TMEM161A: variants seen among roughly 807,000 people sequenced by gnomAD.
TMEM161A encodes the protein adaptive response to oxidative stress protein 29.
A neutral mutation model predicts 57.1 loss-of-function variants in TMEM161A; 46 were observed. The observed-to-expected ratio is 0.81, with a 90% CI of 0.64 to 1.03. The LOEUF (loss-of-function observed/expected upper bound fraction) is 1.03, where lower values mean the gene tolerates loss of function less well. Ranked by LOEUF, TMEM161A falls within the 50% of genes least tolerant of loss-of-function variation. The probability of loss-of-function intolerance (pLI) is 0.00; values close to 1 mark genes in which losing one functional copy is unlikely to be tolerated. For missense variants in TMEM161A, 601 were observed against 621.5 expected (o/e 0.97, Z 0.35); for synonymous variants, 288 against 279.0 (o/e 1.03, Z -0.32).
Position 19,121,303 on chromosome 19 carries a change from C to T in TMEM161A, c.914+5G>A, listed in dbSNP as rs959539346. 1.3e-5 allele frequency: 20 copies of T among 1,558,656 alleles called. No individual in the cohort carries two copies. Among genetic ancestry groups the T allele is most frequent in the Non-Finnish European group, 1.7e-5 (20 of 1,151,048 alleles). ...AGCTACCTCCTAGCCCCACCCAATA[C>T]GCACAGGGAGAAACGCGTCTCCCCA... On this transcript the variant is annotated splice_donor_5th_base_variant and intron_variant, in intron 9 of 11. Coordinates refer to ENST00000162044, the MANE Select transcript of TMEM161A (RefSeq NM_017814.3). This position sits in a 1 kb window ranked among gnomAD's most constrained non-coding sequence, Gnocchi z 5.8.
chr19:19,125,384 C>T (rs1033297622), intron 6 of TMEM161A, among the ~76,000 whole-genome samples: 1 of 152,060 alleles, frequency 6.6e-6, no homozygotes, highest in Admixed American at 6.6e-5. Flanking sequence ...GAGTCTTGCT[C>T]TTGTCGCCCA....
At chr19:19,138,268 C>G (rs1264103928) in intron 1 of TMEM161A, among the ~76,000 whole-genome samples, 158 bp downstream of exon 1, 1 of 152,232 alleles carries the variant, frequency 6.6e-6, no homozygotes, top group Non-Finnish European at 1.5e-5. Context: ...GAGCAGGGCT[C>G]CCAGAGAGGG....
intron 1 of TMEM161A, among the ~76,000 whole-genome samples, chr19:19,137,209 A>G (rs1232250197): frequency 1.3e-5 from 2 of 152,110 alleles, no homozygotes; most frequent in Non-Finnish European, 2.9e-5. Flanking sequence ...CCCTGCAGGC[A>G]TAGCTAGAGA....
In TMEM161A at chr19:19,121,893, C is replaced by T; in HGVS notation, c.596-74G>A. 1.3e-6 allele frequency: 2 copies of T among 1,536,544 alleles called. No individual in the cohort carries two copies. The highest frequency in any genetic ancestry group is 1.8e-5 in the Admixed American group (1 of 55,948). ...TAAGGCCACTCTGTTCCCTAACCCC[C>T]CATCCCTCAGGCATCCGTTTGCTTC... On this transcript the variant is annotated intron_variant, in intron 6 of 11. Coordinates refer to ENST00000162044, the MANE Select transcript of TMEM161A (RefSeq NM_017814.3). The surrounding 1 kb of genome is among the most constrained non-coding windows in gnomAD (Gnocchi z 5.8).
rs769214375 is a variant in TMEM161A, at chr19:19,120,117, G to A, written c.1253C>T (p.Ala418Val). The change falls in exon 12 of 12, where the codon GCC becomes GTC. Residue 418 changes from alanine to valine, a missense_variant. Coordinates refer to ENST00000162044, the MANE Select transcript of TMEM161A (RefSeq NM_017814.3). ...LSPDPSSASAAPIGSGEDEVQ... is the reference protein window; with the variant it reads ...LSPDPSSASAVPIGSGEDEVQ... Reference sequence around the variant, plus strand: ...TTCGTCCTCCCCAGAGCCGATGGGGGCAGCGCTGGCTGAGGATGGGTCGGG... The same window carrying A: ...TTCGTCCTCCCCAGAGCCGATGGGGACAGCGCTGGCTGAGGATGGGTCGGG... 5.7e-6 allele frequency: 9 copies of A among 1,569,018 alleles called. No homozygotes were observed. The highest frequency in any genetic ancestry group is 7.8e-6 in the Non-Finnish European group (9 of 1,157,296).
intron 2 of TMEM161A, 54 bp downstream of exon 2, chr19:19,134,730 G>C (rs949387430): frequency 7.4e-7 from 1 of 1,343,152 alleles, no homozygotes; most frequent in Non-Finnish European, 1.0e-6. Flanking sequence ...GGCGTGGGGA[G>C]CCAGAAGGGG....
In TMEM161A at chr19:19,120,151, G is replaced by C. The variant is rs778135440; in HGVS notation, c.1219C>G (p.Leu407Val). 1.9e-6 allele frequency: 3 copies of C among 1,559,674 alleles called. No individual in the cohort carries two copies. Among genetic ancestry groups the C allele is most frequent in the Admixed American group, 1.9e-5 (1 of 51,630 alleles). ...GYSWGLGPAPLLSPDPSSASA... is the reference protein window; with the variant it reads ...GYSWGLGPAPVLSPDPSSASA... ...GCTGAGGATGGGTCGGGGGATAGTAGAGGAGCTGGGCCCAGGCCCCAGGAA... is the reference window on the plus strand; with the variant it reads ...GCTGAGGATGGGTCGGGGGATAGTACAGGAGCTGGGCCCAGGCCCCAGGAA... Residue 407 changes from leucine (L) to valine (V), a missense_variant, in exon 12 of 12, where the codon CTA becomes GTA. Physicochemically the swap from Leu to Val is conservative, Grantham distance 32. Transcript: ENST00000162044.
chr19:19,127,457 C>A (rs2059936184), intron 6 of TMEM161A, among the ~76,000 whole-genome samples: 1 of 151,560 alleles, frequency 6.6e-6, no homozygotes. Context: ...GTAGCTGGGA[C>A]TACAGGTACC....
intron 11 of TMEM161A, among the ~76,000 whole-genome samples, chr19:19,120,407 C>T (rs1306580716): frequency 6.6e-6 from 1 of 151,660 alleles, no homozygotes; most frequent in Non-Finnish European, 1.5e-5. Context: ...ACATGCCCTG[C>T]CCCCTCCCCA....
chr19:19,136,361 A>G (rs1295816909), intron 1 of TMEM161A, among the ~76,000 whole-genome samples: 1 of 152,206 alleles, frequency 6.6e-6, no homozygotes, highest in Non-Finnish European at 1.5e-5. Context: ...CGGTAATTCA[A>G]AATGACTGCT....
intron 1 of TMEM161A, among the ~76,000 whole-genome samples, chr19:19,135,840 G>A (rs562479928): frequency 1.3e-5 from 2 of 152,044 alleles, no homozygotes; most frequent in Non-Finnish European, 2.9e-5. Flanking sequence ...CCTCCCAAAC[G>A]GTTGGGATTA....
chr19:19,137,848 A>G (rs1054460631), intron 1 of TMEM161A, among the ~76,000 whole-genome samples: 2 of 152,162 alleles, frequency 1.3e-5, no homozygotes, highest in Non-Finnish European at 2.9e-5. Context: ...CACACTCAAT[A>G]GGTTGGACCC....
Position 19,121,116 on chromosome 19 carries a change from A to T in TMEM161A, c.965T>A (p.Leu322Gln). 6.2e-7 allele frequency: 1 copy of T among 1,611,470 alleles called. No individual in the cohort carries two copies. The highest frequency in any genetic ancestry group is 8.5e-7 in the Non-Finnish European group (1 of 1,179,240). The change falls in exon 10 of 12, where the codon CTG becomes CAG. Residue 322 changes from leucine to glutamine, a missense_variant. Transcript: ENST00000162044. This position sits in a 1 kb window ranked among gnomAD's most constrained non-coding sequence, Gnocchi z 5.8. ...DSGRLWLLVV[L>Q]CLLRLAVTRP... ...GGTCACCGCCAGCCGCAGCAGGCAC[A>T]GCACCACCAGCAACCAGAGGCGCCC... is the stretch of plus-strand genomic sequence containing the variant.
rs765583934 is a variant in TMEM161A at position 19,121,697 on chromosome 19, C to G, written c.657-29G>C. 1.9e-6 allele frequency: 3 copies of G among 1,612,098 alleles called. No individual in the cohort carries two copies. In the South Asian group the frequency reaches 3.3e-5, roughly 18 times the overall value. ...GGAGAACACCAGGTCACGAGCCTGC[C>G]TGGGGGACCCTGGGAGGGTCCCAGC... On this transcript the variant is annotated intron_variant, in intron 7 of 11. Transcript: ENST00000162044. The surrounding 1 kb of genome is among the most constrained non-coding windows in gnomAD (Gnocchi z 5.8).
rs1221185303 is a variant in TMEM161A, at chr19:19,138,423, C to T, written c.3+3G>A. The T allele has an allele frequency of 5.6e-6, 9 of 1,603,714 alleles. No individual in the cohort carries two copies. The highest frequency in any genetic ancestry group is 7.7e-6 in the Non-Finnish European group (9 of 1,175,312). ...CCCCCCACTTCGCGGGACGCTCGCT[C>T]ACCATGACGCGTGCGAGAACGCGGT... is the stretch of plus-strand genomic sequence containing the variant. On this transcript the variant is annotated splice_donor_region_variant and intron_variant, in intron 1 of 11. Coordinates refer to ENST00000162044, the MANE Select transcript of TMEM161A (RefSeq NM_017814.3).
At chr19:19,124,578 G>A (rs561963614) in intron 6 of TMEM161A, among the ~76,000 whole-genome samples, 2 of 152,140 alleles carry the variant, frequency 1.3e-5, no homozygotes, top group Non-Finnish European at 2.9e-5. Flanking sequence ...ATAGGTCAAA[G>A]CATAGCAAGA....
intron 1 of TMEM161A, among the ~76,000 whole-genome samples, chr19:19,135,852 AG>A (rs1438786968): frequency 9.2e-5 from 14 of 152,168 alleles, no homozygotes; most frequent in African/African-American, 3.4e-4. Flanking sequence ...TTGGGATTAC[AG>A]GCGTGAGCCA....
In TMEM161A at chr19:19,130,270, C is replaced by A. The variant is rs375813671; in HGVS notation, c.481G>T (p.Ala161Ser). 31 of 1,613,620 alleles carry A rather than the reference C, an allele frequency of 1.9e-5. No homozygotes were observed. The highest frequency in any genetic ancestry group is 2.5e-5 in the Non-Finnish European group (30 of 1,180,038). Residue 161 changes from alanine (A) to serine (S), a missense_variant, in exon 6 of 12, where the codon GCC becomes TCC. Ala to Ser is a moderately conservative substitution (Grantham distance 99). Coordinates refer to ENST00000162044, the MANE Select transcript of TMEM161A (RefSeq NM_017814.3). ...FLTVTRLYFS[A>S]EEGGERSVCL... ...ACAGAGCGCTCACCCCCCTCCTCGG[C>A]GCTGAAGTACAGCCGTGTCACTGTC...
At position 19,121,630 on chromosome 19, in the gene TMEM161A, G is replaced by C. The variant is rs1449849997; in HGVS notation, c.695C>G (p.Ala232Gly). 1.9e-6 allele frequency: 3 copies of C among 1,614,008 alleles called. No individual in the cohort carries two copies. In the South Asian group the frequency reaches 3.3e-5, roughly 18 times the overall value. Residue 232 changes from alanine to glycine, a missense_variant, in exon 8 of 12, where the codon GCA (alanine) becomes GGA (glycine). Coordinates refer to ENST00000162044, the MANE Select transcript of TMEM161A (RefSeq NM_017814.3). This position sits in a 1 kb window ranked among gnomAD's most constrained non-coding sequence, Gnocchi z 5.8. Reference protein sequence around the residue: ...VAKLAIRVGLAVVGSVLGAFL... With the variant: ...VAKLAIRVGLGVVGSVLGAFL... ...GGCACCCAGCACAGAGCCCACCACT[G>C]CCAGTCCCACGCGGATAGCCAGCTT...
Sources: allele counts gnomAD v4.1 joint callset (sites outside exome capture counted in the v4.1 genomes callset), GRCh38; gene constraint gnomAD v4.1.1; non-coding constraint Gnocchi (gnomAD v3.1); transcripts MANE v1.5; gene names NCBI Gene and HGNC (gene_info 2026-07-23, HGNC 2026-07-21).